Variants in GRID2 observed in about 807,000 individuals in gnomAD.
The protein encoded by GRID2 is glutamate ionotropic receptor delta type subunit 2.
GRID2 carries 33 observed loss-of-function variants against 114.8 expected under a neutral mutation model. The ratio of observed to expected loss-of-function variants is 0.29; its 90% CI spans 0.22 to 0.38. GRID2 has a LOEUF of 0.38. GRID2 is among the 10% of genes least tolerant of loss of function. The pLI, the probability that GRID2 is intolerant of heterozygous loss-of-function variation, is 1.00. For synonymous variants in GRID2, 505 were observed against 449.9 expected, an observed-to-expected ratio of 1.12 and a Z score of -1.55; for missense variants, 1,184 against 1,257.7, an observed-to-expected ratio of 0.94 and a Z score of 0.89.
chr4:93,202,291 A>C (rs964527183), intron 4 of GRID2, among the ~76,000 whole-genome samples: 2 of 152,174 alleles, frequency 1.3e-5, no homozygotes, highest in African/African-American at 4.8e-5. Context: ...TTTAAACAGC[A>C]CTAGTGTTTA....
At chr4:93,390,078 C>T (rs770158933) in intron 8 of GRID2, among the ~76,000 whole-genome samples, 9 of 152,140 alleles carry the variant, frequency 5.9e-5, no homozygotes, top group Non-Finnish European at 8.8e-5. Context: ...CGTGAGCCAC[C>T]GCACCCAGCC....
At chr4:92,778,725 C>T (rs547089424) in intron 2 of GRID2, among the ~76,000 whole-genome samples, 8 of 152,040 alleles carry the variant, frequency 5.3e-5, no homozygotes, top group South Asian at 4.2e-4. Flanking sequence ...GAACATTGAG[C>T]GCAGAGTTAA....
intron 8 of GRID2, among the ~76,000 whole-genome samples, chr4:93,261,948 T>G (rs1750298599): frequency 6.6e-6 from 1 of 151,650 alleles, no homozygotes; most frequent in Non-Finnish European, 1.5e-5. Context: ...ACTCAAATAC[T>G]GAACCAAAAT....
chr4:93,376,948 A>G (rs1301326734), intron 8 of GRID2, among the ~76,000 whole-genome samples: 2 of 152,240 alleles, frequency 1.3e-5, no homozygotes, highest in African/African-American at 2.4e-5. Flanking sequence ...ACAAACCTGC[A>G]CATCCTGCAC....
At chr4:93,268,257 A>G (rs529394715) in intron 8 of GRID2, among the ~76,000 whole-genome samples, 47 of 152,294 alleles carry the variant, frequency 3.1e-4, no homozygotes, top group Middle Eastern at 3.4e-3. Context: ...CATCTGGGGA[A>G]AAACACTCAA....
intron 1 of GRID2, among the ~76,000 whole-genome samples, chr4:92,514,732 A>C (rs576868471): frequency 2.3e-4 from 35 of 152,016 alleles, no homozygotes; most frequent in Non-Finnish European, 3.7e-4. Flanking sequence ...CACATAATAC[A>C]CATGTTAAAA....
intron 8 of GRID2, among the ~76,000 whole-genome samples, chr4:93,299,586 A>G (rs1754653228): frequency 6.6e-6 from 1 of 150,816 alleles, no homozygotes; most frequent in Non-Finnish European, 1.5e-5. Context: ...GCATTAAGAG[A>G]TATACCTAAT....
At chr4:93,760,245 G>T (rs1210366082) in intron 14 of GRID2, among the ~76,000 whole-genome samples, 58 of 152,248 alleles carry the variant, frequency 3.8e-4, no homozygotes, top group Admixed American at 3.8e-3. Context: ...CATCATGCAT[G>T]TGTTTATTTT....
intron 2 of GRID2, among the ~76,000 whole-genome samples, chr4:92,594,199 A>G (rs1007853484): frequency 1.3e-5 from 2 of 151,840 alleles, no homozygotes; most frequent in African/African-American, 4.8e-5. Context: ...AGATAGCACA[A>G]TGTATTATAG....
intron 1 of GRID2, among the ~76,000 whole-genome samples, chr4:92,411,465 C>A (rs1018986651): frequency 2.6e-5 from 4 of 151,690 alleles, no homozygotes; most frequent in Non-Finnish European, 4.4e-5. Flanking sequence ...TTACTTTATT[C>A]TTAACGTTCT....
At chr4:93,015,285 A>T (rs1296781977) in intron 2 of GRID2, among the ~76,000 whole-genome samples, 1 of 152,164 alleles carries the variant, frequency 6.6e-6, no homozygotes, top group East Asian at 1.9e-4. Flanking sequence ...AATGGAAATG[A>T]GAGAGACAAT....
chr4:93,623,508 C>A (rs775333896), intron 13 of GRID2, among the ~76,000 whole-genome samples: 4 of 152,120 alleles, frequency 2.6e-5, no homozygotes, highest in Non-Finnish European at 5.9e-5. Context: ...GGATTATAAA[C>A]CATTCTACTG....
chr4:92,479,822 G>A (rs1418896893), intron 1 of GRID2, among the ~76,000 whole-genome samples: 2 of 152,094 alleles, frequency 1.3e-5, no homozygotes, highest in African/African-American at 4.8e-5. Context: ...TGTTATTGAG[G>A]AGACAGGCTT....
intron 2 of GRID2, among the ~76,000 whole-genome samples, chr4:92,776,183 T>C (rs576307124): frequency 1.7e-4 from 26 of 152,276 alleles, no homozygotes; most frequent in African/African-American, 6.0e-4. Flanking sequence ...GTGCCATGTT[T>C]GATATAAATA....
intron 2 of GRID2, among the ~76,000 whole-genome samples, chr4:92,665,856 C>T (rs1456176784): frequency 6.6e-6 from 1 of 151,018 alleles, no homozygotes; most frequent in African/African-American, 2.4e-5. Flanking sequence ...TATTTATTTG[C>T]CTTTGGCTTC....
intron 1 of GRID2, among the ~76,000 whole-genome samples, chr4:92,433,028 C>A (rs927137401): frequency 6.6e-6 from 1 of 152,134 alleles, no homozygotes; most frequent in Non-Finnish European, 1.5e-5. Flanking sequence ...CAGGGTGTGT[C>A]TAGAAGTATC....
At chr4:93,332,313 A>T (rs1167781862) in intron 8 of GRID2, among the ~76,000 whole-genome samples, 1 of 151,096 alleles carries the variant, frequency 6.6e-6, no homozygotes, top group Admixed American at 6.6e-5. Context: ...AGAGAGAGAG[A>T]GAGAGAGAGA....
intron 8 of GRID2, among the ~76,000 whole-genome samples, chr4:93,301,174 G>A (rs906166616): frequency 8.5e-5 from 13 of 152,098 alleles, no homozygotes; most frequent in African/African-American, 2.9e-4. Flanking sequence ...TATATATGAA[G>A]CATTTTATAA....
intron 2 of GRID2, among the ~76,000 whole-genome samples, chr4:92,944,287 C>T (rs112535234): frequency 0.015 from 2,241 of 152,306 alleles, 21 homozygotes; most frequent in East Asian, 0.053. Context: ...GTGCCCCTCC[C>T]CCAGCCTTGC....
Sources: allele counts gnomAD v4.1 joint callset (sites outside exome capture counted in the v4.1 genomes callset), GRCh38; gene constraint gnomAD v4.1.1; transcripts MANE v1.5; gene names NCBI Gene and HGNC (gene_info 2026-07-23, HGNC 2026-07-21).